The following CHST12 variants were observed in gnomAD, a reference collection of about 807,000 sequenced individuals.
The protein encoded by CHST12 is carbohydrate sulfotransferase 12.
A neutral mutation model predicts 27.9 loss-of-function variants in CHST12; 23 were observed. That is an observed-to-expected ratio of 0.82 (90% CI 0.59 to 1.17). CHST12 has a LOEUF of 1.17. Among genes scored for constraint, CHST12 ranks in the 50% most tolerant of loss-of-function variants. CHST12 has a pLI of 0.00. For synonymous variants in CHST12, 322 were observed against 273.0 expected, an observed-to-expected ratio of 1.18 and a Z score of -1.77; for missense variants, 682 against 603.0, an observed-to-expected ratio of 1.13 and a Z score of -1.37.
chr7:2,437,191 A>G lies in CHST12; in HGVS notation c.*3307A>G, dbSNP rs1782493507. On this transcript the variant is annotated 3_prime_UTR_variant, in exon 2 of 2. Transcript: ENST00000618655. ...TGGCCCCCATCCTCCAGCTGTGTCCACACTTTGAGCACAGTCATGAGAATG... is the reference window on the plus strand; with the variant it reads ...TGGCCCCCATCCTCCAGCTGTGTCCGCACTTTGAGCACAGTCATGAGAATG... 6.6e-6 allele frequency: 1 copy of G among 152,236 alleles called. No individual in the cohort carries two copies. Among genetic ancestry groups the G allele is most frequent in the African/African-American group, 2.4e-5 (1 of 41,454 alleles). 9.4% of individuals were successfully genotyped at this position (152,236 alleles called of 1,614,324 possible).
At chr7:2,422,558 A>G (rs924888038) in intron 1 of CHST12, among the ~76,000 whole-genome samples, 1 of 134,520 alleles carries the variant, frequency 7.4e-6, no homozygotes, top group African/African-American at 2.9e-5. Flanking sequence ...TTTTTTTTAG[A>G]TGGAGTCTTG....
At chr7:2,405,688 C>G (rs1781505989) in intron 1 of CHST12, among the ~76,000 whole-genome samples, 1 of 152,058 alleles carries the variant, frequency 6.6e-6, no homozygotes, top group Non-Finnish European at 1.5e-5. Flanking sequence ...GTTGCCAAAT[C>G]CACTGGGCGG....
In CHST12 at chr7:2,442,874, G is replaced by C. The variant is rs1375531419; in HGVS notation, c.*8990G>C. On this transcript the variant is annotated 3_prime_UTR_variant, in exon 2 of 2. Coordinates refer to ENST00000618655, the MANE Select transcript of CHST12 (RefSeq NM_018641.5). ...ACCCTCCTGTGAACCCTGCATACCA[G>C]GGTTCTCCATGCAACAATCTAATGC... 2.0e-5 allele frequency: 3 copies of C among 152,176 alleles called. No individual in the cohort carries two copies. Among genetic ancestry groups the C allele is most frequent in the Non-Finnish European group, 4.4e-5 (3 of 68,026 alleles). The allele number at this position is 152,176 out of a possible 1,614,324, so 9.4% of individuals were successfully genotyped here.
At position 2,435,761 on chromosome 7, in the gene CHST12, CCT is replaced by C. The variant is rs1225243219; in HGVS notation, c.*1878_*1879del. The C allele has an allele frequency of 6.6e-6, 1 of 152,286 alleles. No homozygotes were observed. Among genetic ancestry groups the C allele is most frequent in the African/African-American group, 2.4e-5 (1 of 41,438 alleles). 9.4% of individuals were successfully genotyped at this position (152,286 alleles called of 1,614,324 possible). The stretch of plus-strand genomic sequence containing the variant: ...CAGTGCCTGCTAGCCTCAGGTGTCC[CCT>C]GTGTTAGACACCTCCTGCCTTCCTT... On this transcript the variant is annotated 3_prime_UTR_variant, in exon 2 of 2. Transcript: ENST00000618655.
chr7:2,440,696 C>G lies in CHST12; in HGVS notation c.*6812C>G, dbSNP rs1782581712. The stretch of plus-strand genomic sequence containing the variant: ...TCACCTTCTATCTTAGTTAGGAATT[C>G]ACCTTCACACTTCCAGAAACTGCCA... On this transcript the variant is annotated 3_prime_UTR_variant, in exon 2 of 2. Coordinates refer to ENST00000618655, the MANE Select transcript of CHST12 (RefSeq NM_018641.5). 6.6e-6 allele frequency: 1 copy of G among 152,166 alleles called. No individual in the cohort carries two copies. The highest frequency in any genetic ancestry group is 6.5e-5 in the Admixed American group (1 of 15,280). 9.4% of individuals were successfully genotyped at this position (152,166 alleles called of 1,614,324 possible).
rs1165707405 is a variant in CHST12, at chr7:2,441,009, T to C, written c.*7125T>C. On this transcript the variant is annotated 3_prime_UTR_variant, in exon 2 of 2. Coordinates refer to ENST00000618655, the MANE Select transcript of CHST12 (RefSeq NM_018641.5). Reference sequence around the variant, plus strand: ...AGAGACACGGCTGTGGCTCTCAGGCTGTGGGGCAATGTTCTGCTTATAATG... The same window carrying C: ...AGAGACACGGCTGTGGCTCTCAGGCCGTGGGGCAATGTTCTGCTTATAATG... The C allele has an allele frequency of 2.0e-5, 3 of 152,152 alleles. No individual in the cohort carries two copies. Among genetic ancestry groups the C allele is most frequent in the Admixed American group, 6.6e-5 (1 of 15,266 alleles). 9.4% of individuals were successfully genotyped at this position (152,152 alleles called of 1,614,324 possible).
At chr7:2,424,769 A>G (rs1248650988) in intron 1 of CHST12, among the ~76,000 whole-genome samples, 1 of 152,162 alleles carries the variant, frequency 6.6e-6, no homozygotes, top group Non-Finnish European at 1.5e-5. Flanking sequence ...TGAGGCACCA[A>G]CAGAAATCCT....
chr7:2,447,483 T>C lies in CHST12; in HGVS notation c.*13599T>C, dbSNP rs2115474424. On this transcript the variant is annotated 3_prime_UTR_variant, in exon 2 of 2. Coordinates refer to ENST00000618655, the MANE Select transcript of CHST12 (RefSeq NM_018641.5). Reference sequence around the variant, plus strand: ...TTCTGAAATGAACACTTTTTTGTTGTTGTTGTTGAGACAGAGTCTTGCTCT... The same window carrying C: ...TTCTGAAATGAACACTTTTTTGTTGCTGTTGTTGAGACAGAGTCTTGCTCT... 1 of 152,498 alleles carries C rather than the reference T, an allele frequency of 6.6e-6. No individual in the cohort carries two copies. Among genetic ancestry groups the C allele is most frequent in the Admixed American group, 6.5e-5 (1 of 15,306 alleles). 9.4% of individuals were successfully genotyped at this position (152,498 alleles called of 1,614,324 possible).
chr7:2,419,966 G>GTTT (rs1781921446), intron 1 of CHST12, among the ~76,000 whole-genome samples: 2 of 95,870 alleles, frequency 2.1e-5, no homozygotes, highest in African/African-American at 3.6e-5. Flanking sequence ...TGAAATATTT[G>GTTT]TCTTTTTTTT....
In CHST12 at chr7:2,439,113, G is replaced by A. The variant is rs986006337; in HGVS notation, c.*5229G>A. 2.0e-5 allele frequency: 3 copies of A among 152,200 alleles called. No individual in the cohort carries two copies. Among genetic ancestry groups the A allele is most frequent in the Non-Finnish European group, 4.4e-5 (3 of 68,042 alleles). The allele number at this position is 152,200 out of a possible 1,614,324, so 9.4% of individuals were successfully genotyped here. A position where few individuals can be genotyped will look rare whatever the true frequency, so the allele number is the denominator to read the frequency against. On this transcript the variant is annotated 3_prime_UTR_variant, in exon 2 of 2. Transcript: ENST00000618655. ...AATTTGCACTCGCTTCAGCTGATTT[G>A]GGTTGGATTTCTAGCGTTTCACATA...
At chr7:2,413,949 G>A (rs1235796531) in intron 1 of CHST12, among the ~76,000 whole-genome samples, 3 of 151,866 alleles carry the variant, frequency 2.0e-5, no homozygotes, top group African/African-American at 7.3e-5. Context: ...GGCTGGTCTT[G>A]AACTTCTGAC....
intron 1 of CHST12, among the ~76,000 whole-genome samples, chr7:2,409,113 G>C (rs899819641): frequency 6.6e-6 from 1 of 152,212 alleles, no homozygotes; most frequent in Non-Finnish European, 1.5e-5. Flanking sequence ...ACAAGGCGCA[G>C]CTGTGGATAG....
intron 1 of CHST12, among the ~76,000 whole-genome samples, chr7:2,426,090 C>T (rs779760793): frequency 9.9e-5 from 15 of 152,038 alleles, no homozygotes; most frequent in East Asian, 1.9e-4. Context: ...GGGCATCGTG[C>T]GAAGGGACTG....
At position 2,439,265 on chromosome 7, in the gene CHST12, T is replaced by G. The variant is rs967277045; in HGVS notation, c.*5381T>G. 2 of 152,198 alleles carry G rather than the reference T, an allele frequency of 1.3e-5. No homozygotes were observed. The highest frequency in any genetic ancestry group is 2.4e-5 in the African/African-American group (1 of 41,458). The allele number at this position is 152,198 out of a possible 1,614,324, so 9.4% of individuals were successfully genotyped here. ...ATGCAGGGCACTGTTCACGTGGACA[T>G]GAGCCGTTTCTTAGCATCATGAGAT... On this transcript the variant is annotated 3_prime_UTR_variant, in exon 2 of 2. Transcript: ENST00000618655.
chr7:2,411,159 T>A (rs7796798), intron 1 of CHST12, among the ~76,000 whole-genome samples: 95,037 of 151,946 alleles, frequency 0.63, 30,369 homozygotes, highest in East Asian at 0.79. Context: ...CATAGTTCAC[T>A]GCAGCCTCAG....
At chr7:2,415,651 C>T (rs1415725312) in intron 1 of CHST12, among the ~76,000 whole-genome samples, 1 of 148,812 alleles carries the variant, frequency 6.7e-6, no homozygotes, top group East Asian at 2.0e-4. Flanking sequence ...GTCGCTCTGT[C>T]GCCCAGGCTG....
rs889921325 is a variant in CHST12, at chr7:2,446,564, G to A, written c.*12680G>A. On this transcript the variant is annotated 3_prime_UTR_variant, in exon 2 of 2. Coordinates refer to ENST00000618655, the MANE Select transcript of CHST12 (RefSeq NM_018641.5). ...AGGGACCCCTGGCTGTGCCCACGTC[G>A]GGGCTTCCCGTTCCTTACCTGCCAT... 3 of 152,864 alleles carry A rather than the reference G, an allele frequency of 2.0e-5. No homozygotes were observed. The highest frequency in any genetic ancestry group is 2.1e-4 in the South Asian group (1 of 4,828). The allele number at this position is 152,864 out of a possible 1,614,324, so 9.5% of individuals were successfully genotyped here.
intron 1 of CHST12, among the ~76,000 whole-genome samples, chr7:2,415,445 T>C (rs1402257881): frequency 6.6e-6 from 1 of 152,180 alleles, no homozygotes; most frequent in African/African-American, 2.4e-5. Flanking sequence ...AGAAACAATG[T>C]ACATACGTTA....
At chr7:2,432,197 C>T (rs902999188) in intron 1 of CHST12, among the ~76,000 whole-genome samples, 6 of 125,752 alleles carry the variant, frequency 4.8e-5, no homozygotes, top group African/African-American at 1.8e-4. Flanking sequence ...GGAAGAGTTG[C>T]AGAGGGCAGA....
Sources: allele counts gnomAD v4.1 joint callset (sites outside exome capture counted in the v4.1 genomes callset), GRCh38; gene constraint gnomAD v4.1.1; transcripts MANE v1.5; gene names NCBI Gene and HGNC (gene_info 2026-07-23, HGNC 2026-07-21).